Variants in ZSWIM6 observed in about 807,000 individuals in gnomAD.
ZSWIM6 encodes zinc finger SWIM domain-containing protein 6.
ZSWIM6 carries 9 observed loss-of-function variants against 113.2 expected under a neutral mutation model. The ratio of observed to expected loss-of-function variants is 0.08; its 90% confidence interval spans 0.05 to 0.14. The LOEUF (loss-of-function observed/expected upper bound fraction) is 0.14, where lower values mean the gene tolerates loss of function less well. Ranked by LOEUF, ZSWIM6 falls within the 10% of genes least tolerant of loss-of-function variation. ZSWIM6 has a pLI of 1.00. For synonymous variants in ZSWIM6, 611 were observed against 606.5 expected (o/e 1.01, Z -0.11); for missense variants, 1,162 against 1,552.2 (o/e 0.75, Z 4.22).
chr5:61,390,925 C>A (rs1455140370), intron 1 of ZSWIM6: 4 of 827,946 alleles, frequency 4.8e-6, no homozygotes, highest in Non-Finnish European at 6.3e-6. Flanking sequence ...TGGACAAAGG[C>A]CCCCAGAGGG....
chr5:61,517,778 ATTAT>A (rs931454725), intron 4 of ZSWIM6, among the ~76,000 whole-genome samples: 20 of 147,708 alleles, frequency 1.4e-4, no homozygotes, highest in East Asian at 3.9e-4. Flanking sequence ...TAATTATTTA[ATTAT>A]TTATTTATTT....
rs1414352823 is a variant in ZSWIM6 at position 61,332,561 on chromosome 5, C to T, written c.289C>T (p.Arg97Cys). Residue 97 changes from arginine to cysteine, a missense_variant, in exon 1 of 14, where the codon CGC becomes TGC. Coordinates refer to ENST00000252744, the MANE Select transcript of ZSWIM6 (RefSeq NM_020928.2). The part of the protein sequence containing the change: ...EKWPFQRVEE[R>C]FERIPEPVQR... ...GTGGCCGTTCCAGCGCGTGGAGGAGCGCTTTGAGCGCATCCCGGAGCCGGT... is the reference window on the plus strand; with the variant it reads ...GTGGCCGTTCCAGCGCGTGGAGGAGTGCTTTGAGCGCATCCCGGAGCCGGT... 2.9e-6 allele frequency: 4 copies of T among 1,363,506 alleles called. No homozygotes were observed. Among genetic ancestry groups the T allele is most frequent in the Admixed American group, 2.4e-5 (1 of 41,128 alleles). The allele number at this position is 1,363,506 out of a possible 1,614,324, so 84.5% of individuals were successfully genotyped here.
chr5:61,523,182 G>T (rs192618624), intron 5 of ZSWIM6, among the ~76,000 whole-genome samples: 1 of 152,308 alleles, frequency 6.6e-6, no homozygotes, highest in Admixed American at 6.5e-5. Context: ...TACCTGTAGT[G>T]CCCTTCCCTG....
intron 12 of ZSWIM6, among the ~76,000 whole-genome samples, chr5:61,540,459 A>G (rs550698581): frequency 2.0e-5 from 3 of 152,316 alleles, no homozygotes; most frequent in South Asian, 4.1e-4. Context: ...TTACCTAAAG[A>G]ATGGGGAGTA....
At chr5:61,455,016 G>A (rs1747173927) in intron 1 of ZSWIM6, among the ~76,000 whole-genome samples, 3 of 151,836 alleles carry the variant, frequency 2.0e-5, no homozygotes, top group Admixed American at 2.0e-4. Context: ...TTGGGGAGTA[G>A]TATTGAGAAA....
chr5:61,354,079 A>C (rs1428983979), intron 1 of ZSWIM6, among the ~76,000 whole-genome samples: 1 of 152,216 alleles, frequency 6.6e-6, no homozygotes, highest in Non-Finnish European at 1.5e-5. Flanking sequence ...TGATGAGGAA[A>C]GGTTATCTTT....
intron 1 of ZSWIM6, among the ~76,000 whole-genome samples, chr5:61,353,982 A>G (rs1371081037): frequency 6.6e-6 from 1 of 152,148 alleles, no homozygotes; most frequent in Non-Finnish European, 1.5e-5. Context: ...TTCTCTTACT[A>G]CCGAATTATA....
At chr5:61,371,513 G>C (rs188648953) in intron 1 of ZSWIM6, among the ~76,000 whole-genome samples, 95 of 152,314 alleles carry the variant, frequency 6.2e-4, no homozygotes, top group Admixed American at 1.6e-3. Flanking sequence ...AGTGCATGGC[G>C]TGGTGATTTG....
At position 61,544,632 on chromosome 5, in the gene ZSWIM6, C is replaced by T. The variant is rs1471089826; in HGVS notation, c.*315C>T. On this transcript the variant is annotated 3_prime_UTR_variant, in exon 14 of 14. Coordinates refer to ENST00000252744, the MANE Select transcript of ZSWIM6 (RefSeq NM_020928.2). ...TCAAGTGGCAAAAGTCCACATAGCT[C>T]TCCTGTTTTCTGTATACGTTCACAG... 1 of 157,660 alleles carries T rather than the reference C, an allele frequency of 6.3e-6. No individual in the cohort carries two copies. Among genetic ancestry groups the T allele is most frequent in the Non-Finnish European group, 1.4e-5 (1 of 72,256 alleles). 9.8% of individuals were successfully genotyped at this position (157,660 alleles called of 1,614,324 possible).
intron 4 of ZSWIM6, among the ~76,000 whole-genome samples, chr5:61,500,500 G>A (rs1272755192): frequency 1.3e-5 from 2 of 152,144 alleles, no homozygotes; most frequent in Admixed American, 1.3e-4. Context: ...AGGTCAAAGC[G>A]AAGCTCACCT....
At chr5:61,534,688 T>G (rs1323948250) in intron 9 of ZSWIM6, among the ~76,000 whole-genome samples, 1 of 149,034 alleles carries the variant, frequency 6.7e-6, no homozygotes, top group Non-Finnish European at 1.5e-5. Context: ...ATTTTAAAAG[T>G]CTATGTTGCC....
intron 1 of ZSWIM6, among the ~76,000 whole-genome samples, chr5:61,420,735 C>T (rs1279802179): frequency 2.0e-5 from 3 of 152,012 alleles, no homozygotes; most frequent in Non-Finnish European, 4.4e-5. Context: ...TATTTTGATA[C>T]AGGCATGGAA....
At chr5:61,362,789 T>G (rs1044380429) in intron 1 of ZSWIM6, among the ~76,000 whole-genome samples, 5 of 152,236 alleles carry the variant, frequency 3.3e-5, no homozygotes, top group African/African-American at 1.2e-4. Context: ...CTTGCTTATC[T>G]TTTATATCTG....
In ZSWIM6 at chr5:61,348,996, G is replaced by GT. The variant is rs200303828; in HGVS notation, c.676+16056dup. On this transcript the variant is annotated intron_variant, in intron 1 of 13. Coordinates refer to ENST00000252744, the MANE Select transcript of ZSWIM6 (RefSeq NM_020928.2). ...TAAAAATCGGAGAAAATGAGGGACAGTTTTTTTTAATGAGAAATCAGAATA... is the reference window on the plus strand; with the variant it reads ...TAAAAATCGGAGAAAATGAGGGACAGTTTTTTTTTAATGAGAAATCAGAATA... Among the ~76,000 whole-genome samples, 1,161 of 151,984 alleles carry GT rather than the reference G, an allele frequency of 7.6e-3. 8 individuals carry two copies. Among genetic ancestry groups the GT allele is most frequent in the Non-Finnish European group, 0.012 (826 of 67,940 alleles).
rs995333249 is a variant in ZSWIM6, at chr5:61,490,686, G to A, written c.1034-100G>A. 3.4e-6 allele frequency: 4 copies of A among 1,170,450 alleles called. No homozygotes were observed. In the African/African-American group the frequency reaches 6.4e-5, roughly 19 times the overall value. 72.5% of individuals were successfully genotyped at this position (1,170,450 alleles called of 1,614,324 possible). A position where few individuals can be genotyped will look rare whatever the true frequency, so the allele number is the denominator to read the frequency against. The stretch of plus-strand genomic sequence containing the variant: ...CAAATTTGTATGTATAATTGAAATT[G>A]AGATTGAATTAAAAAGTAGGCAAAA... On this transcript the variant is annotated intron_variant, in intron 2 of 13. Transcript: ENST00000252744.
intron 1 of ZSWIM6, among the ~76,000 whole-genome samples, chr5:61,412,472 T>C (rs1176239333): frequency 1.3e-5 from 2 of 152,220 alleles, no homozygotes; most frequent in Non-Finnish European, 2.9e-5. Flanking sequence ...AGGCATTTAT[T>C]GTTTATGTTA....
At chr5:61,477,976 G>A (rs957346744) in intron 2 of ZSWIM6, among the ~76,000 whole-genome samples, 13 of 152,172 alleles carry the variant, frequency 8.5e-5, no homozygotes, top group African/African-American at 2.9e-4. Flanking sequence ...TCATCTGATG[G>A]AGGACTCATG....
intron 2 of ZSWIM6, among the ~76,000 whole-genome samples, chr5:61,480,128 CTG>C (rs372567805): frequency 5.3e-4 from 81 of 152,146 alleles, no homozygotes; most frequent in Middle Eastern, 6.8e-3. Flanking sequence ...CTGAAAAGCA[CTG>C]TGTTTTTACT....
At chr5:61,527,248 A>C (rs1289189474) in intron 7 of ZSWIM6, among the ~76,000 whole-genome samples, 2 of 152,028 alleles carry the variant, frequency 1.3e-5, no homozygotes, top group East Asian at 1.9e-4. Context: ...TATAGGTATA[A>C]ATTTTATTTT....
Sources: gnomAD v4.1 joint callset for allele counts (sites outside exome capture counted in the v4.1 genomes callset) on GRCh38, gnomAD v4.1.1 for gene constraint, MANE v1.5 for transcripts, NCBI Gene and HGNC (gene_info 2026-07-23, HGNC 2026-07-21) for gene names.